The following CCDC73 variants were observed in gnomAD, a reference collection of about 807,000 sequenced individuals.
CCDC73 encodes the protein coiled-coil domain-containing protein 73.
Under a neutral mutation model 116.5 loss-of-function variants are expected in CCDC73, and 95 were observed. The ratio of observed to expected loss-of-function variants is 0.82; its 90% CI spans 0.69 to 0.97. The LOEUF is 0.97. Ranked by LOEUF, CCDC73 falls within the 50% of genes least tolerant of loss-of-function variation. CCDC73 has a pLI of 0.00. For synonymous variants in CCDC73, 398 were observed against 401.3 expected, an observed-to-expected ratio of 0.99 and a Z score of 0.10; for missense variants, 1,066 against 1,206.8, an observed-to-expected ratio of 0.88 and a Z score of 1.73.
At chr11:32,722,950 AGC>A (rs2133337053) in intron 2 of CCDC73, among the ~76,000 whole-genome samples, 1 of 152,352 alleles carries the variant, frequency 6.6e-6, no homozygotes, top group African/African-American at 2.4e-5. Context: ...TAAATGGCAG[AGC>A]CAGTACTCAA....
chr11:32,662,182 T>A lies in CCDC73; in HGVS notation c.646-7210A>T, dbSNP rs533003257. Among the ~76,000 whole-genome samples, 3 of 152,374 alleles carry A rather than the reference T, an allele frequency of 2.0e-5. No homozygotes were observed. In the East Asian group the frequency reaches 5.8e-4, roughly 29 times the overall value. On this transcript the variant is annotated intron_variant, in intron 9 of 17. Transcript: ENST00000335185. ...GTCTTTATAGCAGCATGCTTTATAA[T>A]CCTTTGGGTATATACCCAGTAATGG... is the stretch of plus-strand genomic sequence containing the variant.
In CCDC73 at chr11:32,667,305, C is replaced by T. The variant is rs1855993955; in HGVS notation, c.645+8260G>A. On this transcript the variant is annotated intron_variant, in intron 9 of 17. Coordinates refer to ENST00000335185, the MANE Select transcript of CCDC73 (RefSeq NM_001008391.4). ...GCAGGCCTCCTTGAGCTGTGGTGGG[C>T]TCCACCCAGTTCGAGCTTCCTGGCC... is the stretch of plus-strand genomic sequence containing the variant. 7.2e-5 allele frequency among the ~76,000 whole-genome samples: 11 copies of T among 152,344 alleles called. No individual in the cohort carries two copies. The South Asian group carries it at 2.3e-3, about 32-fold the overall frequency.
rs541799689 is a variant in CCDC73, at chr11:32,745,456, C to T, written c.135+14653G>A. On this transcript the variant is annotated intron_variant, in intron 2 of 17. Coordinates refer to ENST00000335185, the MANE Select transcript of CCDC73 (RefSeq NM_001008391.4). ...AGAGCTGTGTTCAAGTCCTGGATATCCTTGTTAATTTTTTGCCTCGTTGAT... is the reference window on the plus strand; with the variant it reads ...AGAGCTGTGTTCAAGTCCTGGATATTCTTGTTAATTTTTTGCCTCGTTGAT... Among the ~76,000 whole-genome samples, 31 of 152,202 alleles carry T rather than the reference C, an allele frequency of 2.0e-4. 1 individual carries two copies. The highest frequency in any genetic ancestry group is 6.8e-3 in the Middle Eastern group (2 of 294).
chr11:32,812,670 C>CAA, the CCDC73 span, among the ~76,000 whole-genome samples: 73 of 103,050 alleles, frequency 7.1e-4, no homozygotes, highest in Admixed American at 1.3e-3. Context: ...ACTACATCTC[C>CAA]AAAAAAAAAA....
At chr11:32,622,135 A>C (rs554884534) in intron 14 of CCDC73, among the ~76,000 whole-genome samples, 5 of 152,310 alleles carry the variant, frequency 3.3e-5, no homozygotes, top group Admixed American at 6.5e-5. Flanking sequence ...CAGAAATACC[A>C]TTTGACTCAG....
At chr11:32,769,592 A>C (rs1850473999) in intron 1 of CCDC73, among the ~76,000 whole-genome samples, 1 of 152,188 alleles carries the variant, frequency 6.6e-6, no homozygotes, top group Non-Finnish European at 1.5e-5. Context: ...GGGATGGAGA[A>C]ATATACTCCA....
chr11:32,639,947 T>C (rs1006656989), intron 13 of CCDC73, among the ~76,000 whole-genome samples: 3 of 152,322 alleles, frequency 2.0e-5, no homozygotes, highest in Non-Finnish European at 1.5e-5. Context: ...TAGTATTTTC[T>C]TTCACTGTTT....
intron 6 of CCDC73, among the ~76,000 whole-genome samples, chr11:32,687,526 A>C (rs1273333815): frequency 1.3e-5 from 2 of 152,238 alleles, no homozygotes; most frequent in African/African-American, 4.8e-5. Context: ...TAAGAAAAGT[A>C]TAAATAAAGG....
chr11:32,761,388 T>C (rs1438946219), intron 1 of CCDC73, among the ~76,000 whole-genome samples: 2 of 152,244 alleles, frequency 1.3e-5, no homozygotes, highest in African/African-American at 4.8e-5. Flanking sequence ...ATAAAGGTGC[T>C]ATAAACATTT....
intron 9 of CCDC73, among the ~76,000 whole-genome samples, chr11:32,664,712 G>T (rs929898232): frequency 2.0e-5 from 3 of 152,066 alleles, no homozygotes; most frequent in Admixed American, 6.5e-5. Flanking sequence ...CTTGCCTTCT[G>T]CTAGCTTTTG....
chr11:32,725,595 T>TA (rs1289086438), intron 2 of CCDC73, among the ~76,000 whole-genome samples: 1 of 152,154 alleles, frequency 6.6e-6, no homozygotes, highest in Non-Finnish European at 1.5e-5. Flanking sequence ...CTTTATTCAT[T>TA]TCAGCTAACT....
intron 6 of CCDC73, among the ~76,000 whole-genome samples, chr11:32,698,010 AATT>A (rs1204087433): frequency 0.065 from 7,563 of 117,236 alleles, 1,126 homozygotes; most frequent in Non-Finnish European, 0.074. Flanking sequence ...TCTAACACTG[AATT>A]TTTTTTTTTT....
intron 3 of CCDC73, among the ~76,000 whole-genome samples, chr11:32,717,201 C>T (rs1230004189): frequency 1.3e-5 from 2 of 152,090 alleles, no homozygotes; most frequent in Non-Finnish European, 2.9e-5. Flanking sequence ...TATTACCAAA[C>T]AATGAGAACA....
chr11:32,614,997 A>G, intron 15 of CCDC73, 55 bp from the exon 16 acceptor site: 1 of 1,023,964 alleles, frequency 9.8e-7, no homozygotes, highest in Non-Finnish European at 1.4e-6. Flanking sequence ...GGCTGATTTC[A>G]TAAGACATAT....
chr11:32,761,258 G>A (rs761425765), intron 1 of CCDC73, among the ~76,000 whole-genome samples: 2 of 151,886 alleles, frequency 1.3e-5, no homozygotes, highest in Non-Finnish European at 2.9e-5. Context: ...ATTGTTACAT[G>A]TATCAGTAAT....
At chr11:32,764,109 G>A (rs935670732) in intron 1 of CCDC73, among the ~76,000 whole-genome samples, 2 of 152,076 alleles carry the variant, frequency 1.3e-5, no homozygotes, top group African/African-American at 4.8e-5. Context: ...AATATGGGAC[G>A]ATGTGAAAAG....
At chr11:32,716,642 G>A (rs548589797) in intron 3 of CCDC73, among the ~76,000 whole-genome samples, 2 of 152,148 alleles carry the variant, frequency 1.3e-5, no homozygotes, top group Non-Finnish European at 2.9e-5. Flanking sequence ...GCTCACTACA[G>A]CCTCAAATTC....
chr11:32,752,190 G>T (rs140535306), intron 2 of CCDC73, among the ~76,000 whole-genome samples: 1 of 152,146 alleles, frequency 6.6e-6, no homozygotes, highest in South Asian at 2.1e-4. Context: ...CTAATATTTC[G>T]TTGGCCAAGA....
chr11:32,734,699 T>A lies in CCDC73; in HGVS notation c.136-16552A>T, dbSNP rs956115677. On this transcript the variant is annotated intron_variant, in intron 2 of 17. Coordinates refer to ENST00000335185, the MANE Select transcript of CCDC73 (RefSeq NM_001008391.4). ...CCAGCATCATCCTGATACCAAAGCCTGGCAGAGACACAACAAAAAAAGAGA... is the reference window on the plus strand; with the variant it reads ...CCAGCATCATCCTGATACCAAAGCCAGGCAGAGACACAACAAAAAAAGAGA... 1.2e-4 allele frequency among the ~76,000 whole-genome samples: 19 copies of A among 152,238 alleles called. 1 individual carries two copies. Among genetic ancestry groups the A allele is most frequent in the African/African-American group, 4.6e-4 (19 of 41,548 alleles).
Sources: gnomAD v4.1 joint callset for allele counts (sites outside exome capture counted in the v4.1 genomes callset) on GRCh38, gnomAD v4.1.1 for gene constraint, MANE v1.5 for transcripts, NCBI Gene and HGNC (gene_info 2026-07-23, HGNC 2026-07-21) for gene names.